The following TPH1 variants were observed in gnomAD, a reference collection of about 807,000 sequenced individuals.
The protein encoded by TPH1 is tryptophan 5-hydroxylase 1.
In TPH1, 37 loss-of-function variants were observed where a neutral mutation model predicts 49.5. The observed-to-expected ratio is 0.75, with a 90% CI of 0.58 to 0.98. The LOEUF is 0.98. Among genes scored for constraint, TPH1 ranks in the 50% least tolerant of loss-of-function variants. TPH1 has a pLI of 0.00. For missense variants in TPH1, 487 were observed against 523.6 expected (o/e 0.93, Z 0.68); for synonymous variants, 160 against 182.1 (o/e 0.88, Z 0.98).
chr11:18,026,392 C>CGA, intron 7 of TPH1, 98 bp downstream of exon 7: 1 of 914,918 alleles, frequency 1.1e-6, no homozygotes, highest in East Asian at 2.6e-5. Context: ...TCCTCGCACA[C>CGA]CAAAAAAAAA....
rs1437379288 is a variant in TPH1, at chr11:18,019,959, C to CT, written c.*1031dup. The CT allele has an allele frequency of 2.9e-6, 1 of 346,396 alleles. No homozygotes were observed. 21.5% of individuals were successfully genotyped at this position (346,396 alleles called of 1,614,324 possible). A position where few individuals can be genotyped will look rare whatever the true frequency, so the allele number is the denominator to read the frequency against. ...CCTCCCCTTTTCTGCAGCCTCTACT[C>CT]TCATTGCATACCTTTCTGTTTATGG... is the stretch of plus-strand genomic sequence containing the variant. On this transcript the variant is annotated 3_prime_UTR_variant, in exon 11 of 11. Transcript: ENST00000682019.
chr11:18,040,079 TTAA>T (rs1274556351), intron 2 of TPH1, among the ~76,000 whole-genome samples: 3 of 150,222 alleles, frequency 2.0e-5, no homozygotes, highest in Admixed American at 1.3e-4. Flanking sequence ...AAGTATATAA[TTAA>T]TAATATATGA....
At chr11:18,033,450 G>T in intron 3 of TPH1, 76 bp from the exon 4 acceptor site, 2 of 1,174,712 alleles carry the variant, frequency 1.7e-6, no homozygotes, top group Non-Finnish European at 2.5e-6. Context: ...CAATAAAGAA[G>T]ATAAAATTAA....
At chr11:18,042,294 A>G in intron 1 of TPH1, 1 of 438,834 alleles carries the variant, frequency 2.3e-6, no homozygotes, top group Non-Finnish European at 4.5e-6. Flanking sequence ...CTAAAAATTC[A>G]GGGATGGCCT....
intron 4 of TPH1, 36 bp downstream of exon 4, chr11:18,033,238 G>T: frequency 6.5e-7 from 1 of 1,529,738 alleles, no homozygotes; most frequent in Non-Finnish European, 9.1e-7. Flanking sequence ...GGACAGCAGA[G>T]CAAGACTTGC....
At chr11:18,034,776 AT>A (rs546292671) in intron 3 of TPH1, among the ~76,000 whole-genome samples, 2 of 150,236 alleles carry the variant, frequency 1.3e-5, no homozygotes, top group East Asian at 1.9e-4. Context: ...AACTCCAAGG[AT>A]TTTTTTTTTA....
intron 4 of TPH1, among the ~76,000 whole-genome samples, chr11:18,031,857 T>TA (rs1847992132): frequency 1.3e-5 from 2 of 152,180 alleles, no homozygotes; most frequent in African/African-American, 4.8e-5. Flanking sequence ...CAGCTAGAAG[T>TA]GTTTGCTCTC....
intron 6 of TPH1, among the ~76,000 whole-genome samples, chr11:18,028,836 G>T (rs1050783595): frequency 8.5e-5 from 13 of 152,096 alleles, no homozygotes; most frequent in African/African-American, 3.1e-4. Context: ...AGGCTGAGGA[G>T]GGTGGATCAC....
At chr11:18,025,066 G>A (rs1402410705) in intron 8 of TPH1, among the ~76,000 whole-genome samples, 4 of 152,278 alleles carry the variant, frequency 2.6e-5, no homozygotes, top group African/African-American at 9.6e-5. Context: ...CAGTATATAA[G>A]CTCCTTAAAG....
Position 18,020,086 on chromosome 11 carries a change from C to A in TPH1, c.*905G>T, listed in dbSNP as rs916173763. ...TCAGTTTGAACTCTTCCTTTGATAA[C>A]AATGCTTCCTGTTAATCTGGGGACA... On this transcript the variant is annotated 3_prime_UTR_variant, in exon 11 of 11. Coordinates refer to ENST00000682019, the MANE Select transcript of TPH1 (RefSeq NM_004179.3). 9.3e-6 allele frequency: 2 copies of A among 215,036 alleles called. No individual in the cohort carries two copies. Among genetic ancestry groups the A allele is most frequent in the African/African-American group, 2.3e-5 (1 of 42,698 alleles). 13.3% of individuals were successfully genotyped at this position (215,036 alleles called of 1,614,324 possible).
chr11:18,027,695 C>T (rs1433466671), intron 6 of TPH1, among the ~76,000 whole-genome samples: 4 of 152,140 alleles, frequency 2.6e-5, no homozygotes, highest in African/African-American at 4.8e-5. Context: ...CATTACAAAG[C>T]GTTTCCTCCA....
At chr11:18,034,529 A>T (rs1037199301) in intron 3 of TPH1, among the ~76,000 whole-genome samples, 1 of 152,194 alleles carries the variant, frequency 6.6e-6, no homozygotes, top group African/African-American at 2.4e-5. Context: ...CTGGAGCAAC[A>T]GAGGCTTCAG....
intron 9 of TPH1, 93 bp from the exon 10 acceptor site, chr11:18,023,024 T>C: frequency 1.9e-5 from 25 of 1,330,066 alleles, no homozygotes; most frequent in Non-Finnish European, 2.3e-5. Context: ...AACATATTAC[T>C]AATGCAATGG....
At chr11:18,039,854 G>A (rs1482121754) in intron 2 of TPH1, among the ~76,000 whole-genome samples, 4 of 151,886 alleles carry the variant, frequency 2.6e-5, no homozygotes, top group African/African-American at 7.3e-5. Flanking sequence ...TTAGAATTAT[G>A]GGTCAAAAAT....
At chr11:18,034,678 T>C (rs172423) in intron 3 of TPH1, among the ~76,000 whole-genome samples, 29,212 of 152,086 alleles carry the variant, frequency 0.19, 3,386 homozygotes, top group Non-Finnish European at 0.26. Flanking sequence ...ACCTCAAATA[T>C]TGTGGACATA....
intron 1 of TPH1, among the ~76,000 whole-genome samples, chr11:18,044,775 C>CAAA (rs34622205): frequency 1.8e-4 from 10 of 55,540 alleles, no homozygotes; most frequent in African/African-American, 5.8e-4. Flanking sequence ...CAAAACAAAA[C>CAAA]AAAAAAACAC....
chr11:18,020,774 CAA>C lies in TPH1; in HGVS notation c.*215_*216del, dbSNP rs879119500. ...TAAATTGTCTCATTAAAGCTGCTACCAAAAAAAAAAAGAAATAAAACTAAACA... is the reference window on the plus strand; with the variant it reads ...TAAATTGTCTCATTAAAGCTGCTACCAAAAAAAAAGAAATAAAACTAAACA... On this transcript the variant is annotated 3_prime_UTR_variant, in exon 11 of 11. Coordinates refer to ENST00000682019, the MANE Select transcript of TPH1 (RefSeq NM_004179.3). 145 of 412,778 alleles carry C rather than the reference CAA, an allele frequency of 3.5e-4. No homozygotes were observed. The highest frequency in any genetic ancestry group is 6.9e-4 in the Middle Eastern group (1 of 1,442). The allele number at this position is 412,778 out of a possible 1,614,324, so 25.6% of individuals were successfully genotyped here. A position where few individuals can be genotyped will look rare whatever the true frequency, so the allele number is the denominator to read the frequency against.
intron 1 of TPH1, chr11:18,042,279 TG>T: frequency 2.3e-6 from 1 of 435,302 alleles, no homozygotes; most frequent in Non-Finnish European, 4.6e-6. Flanking sequence ...TTGGTGGCTC[TG>T]GGGCTAAAAA....
intron 1 of TPH1, among the ~76,000 whole-genome samples, chr11:18,043,590 G>A (rs1848116552): frequency 6.6e-6 from 1 of 151,986 alleles, no homozygotes. Context: ...GCAGTAGAGT[G>A]AGACTCCGTC....
Sources: allele counts gnomAD v4.1 joint callset (sites outside exome capture counted in the v4.1 genomes callset), GRCh38; gene constraint gnomAD v4.1.1; transcripts MANE v1.5; gene names NCBI Gene and HGNC (gene_info 2026-07-23, HGNC 2026-07-21).